The following PVT1 variants were observed in gnomAD, a reference collection of about 807,000 sequenced individuals.
The protein encoded by PVT1 is CXCR4/PVT1 fusion.
intron 2 of PVT1, among the ~76,000 whole-genome samples, chr8:127,859,223 G>A (rs890039391): frequency 4.6e-5 from 7 of 151,926 alleles, no homozygotes; most frequent in Admixed American, 1.3e-4. Context: ...TTTGATTGTC[G>A]GCTTGGCTCT....
At chr8:128,080,449 T>G (rs1814161973) in intron 5 of PVT1, among the ~76,000 whole-genome samples, 1 of 152,234 alleles carries the variant, frequency 6.6e-6, no homozygotes, top group African/African-American at 2.4e-5. Flanking sequence ...TGGTATCTAA[T>G]TGTTGTTTTA....
At chr8:127,811,087 G>A (rs1350191891) in intron 2 of PVT1, among the ~76,000 whole-genome samples, 2 of 152,068 alleles carry the variant, frequency 1.3e-5, no homozygotes, top group South Asian at 2.1e-4. Flanking sequence ...GCAAACCAGC[G>A]GGTCCCTCTT....
At chr8:127,899,523 G>A (rs1003355712) in intron 3 of PVT1, among the ~76,000 whole-genome samples, 2 of 152,138 alleles carry the variant, frequency 1.3e-5, no homozygotes, top group African/African-American at 2.4e-5. Flanking sequence ...CCCCTCACGC[G>A]CTTGTTGAGA....
At chr8:127,983,358 C>T (rs4733811) in intron 3 of PVT1, among the ~76,000 whole-genome samples, 126,612 of 152,132 alleles carry the variant, frequency 0.83, 52,769 homozygotes, top group South Asian at 0.9. Flanking sequence ...ATCCTAACAT[C>T]TGTGATTAAG....
intron 2 of PVT1, among the ~76,000 whole-genome samples, chr8:127,839,655 G>T (rs1455638014): frequency 2.0e-5 from 3 of 151,942 alleles, no homozygotes; most frequent in Non-Finnish European, 4.4e-5. Flanking sequence ...CAGGCAGAGG[G>T]CATACGAAAC....
At chr8:127,911,172 C>G (rs1279171497) in intron 3 of PVT1, among the ~76,000 whole-genome samples, 1 of 152,130 alleles carries the variant, frequency 6.6e-6, no homozygotes, top group Non-Finnish European at 1.5e-5. Context: ...GGTGGGACTC[C>G]CAGAATAGTG....
intron 4 of PVT1, among the ~76,000 whole-genome samples, chr8:127,997,827 C>T (rs1817125244): frequency 6.6e-6 from 1 of 152,206 alleles, no homozygotes; most frequent in Non-Finnish European, 1.5e-5. Flanking sequence ...CATCTGGGAT[C>T]CCACATCACA....
intron 3 of PVT1, among the ~76,000 whole-genome samples, chr8:127,955,879 C>T (rs1816563120): frequency 6.6e-6 from 1 of 152,174 alleles, no homozygotes; most frequent in Admixed American, 6.6e-5. Flanking sequence ...CCACCACACC[C>T]GGCTGTAATA....
At chr8:127,821,678 G>A (rs4733785) in intron 2 of PVT1, among the ~76,000 whole-genome samples, 103,202 of 151,796 alleles carry the variant, frequency 0.68, 36,485 homozygotes, top group African/African-American at 0.87. Context: ...TGGGCATGGT[G>A]GTGGGCGCCT....
intron 4 of PVT1, among the ~76,000 whole-genome samples, chr8:128,031,870 G>A (rs6987459): frequency 1.0e-3 from 157 of 152,100 alleles, no homozygotes; most frequent in African/African-American, 3.6e-3. Flanking sequence ...TTGAACCCGG[G>A]GCTCTGGTTG....
At chr8:127,866,835 C>T (rs1313510823) in intron 2 of PVT1, among the ~76,000 whole-genome samples, 1 of 152,106 alleles carries the variant, frequency 6.6e-6, no homozygotes, top group Non-Finnish European at 1.5e-5. Flanking sequence ...TCCCATCTGC[C>T]GACCCTCCGC....
intron 2 of PVT1, among the ~76,000 whole-genome samples, chr8:127,864,617 G>A (rs534344374): frequency 7.2e-5 from 11 of 151,900 alleles, no homozygotes; most frequent in African/African-American, 2.4e-4. Context: ...GCGCGATCTC[G>A]GCTCACTGCC....
intron 5 of PVT1, among the ~76,000 whole-genome samples, chr8:128,084,446 A>G (rs1814231708): frequency 6.6e-6 from 1 of 152,062 alleles, no homozygotes; most frequent in African/African-American, 2.4e-5. Context: ...CACTCCCTCT[A>G]AAAGAGTTTC....
At chr8:127,845,402 A>G (rs1815020516) in intron 2 of PVT1, among the ~76,000 whole-genome samples, 1 of 152,164 alleles carries the variant, frequency 6.6e-6, no homozygotes, top group Non-Finnish European at 1.5e-5. Context: ...CCCAAGATAC[A>G]GGAATGGCTC....
At chr8:128,057,011 C>T (rs1813770021) in intron 4 of PVT1, among the ~76,000 whole-genome samples, 1 of 152,170 alleles carries the variant, frequency 6.6e-6, no homozygotes, top group Non-Finnish European at 1.5e-5. Context: ...AGTTTAGCTT[C>T]CCGCATCATT....
chr8:127,857,622 AGTGT>A (rs1815175906), intron 2 of PVT1, among the ~76,000 whole-genome samples: 1 of 152,228 alleles, frequency 6.6e-6, no homozygotes, highest in Non-Finnish European at 1.5e-5. Context: ...TGGAAGCTGC[AGTGT>A]GCAGTGATCA....
chr8:127,861,534 C>T (rs566001496), intron 2 of PVT1, among the ~76,000 whole-genome samples: 294 of 150,338 alleles, frequency 2.0e-3, no homozygotes, highest in South Asian at 4.1e-3. Context: ...TGTTGTCTTG[C>T]TTTCAGATGG....
chr8:127,957,582 A>G lies in PVT1; in HGVS notation n.783-31580A>G, dbSNP rs796332168. On this transcript the variant is annotated intron_variant and non_coding_transcript_variant, in intron 3 of 10. Coordinates refer to ENST00000651587, the Ensembl canonical transcript of PVT1. ...ACTCCGTCTCAAAAAAAAAAAAAAA[A>G]AAAAGAAAAGAAAAGAAAAAAAAGT... Among the ~76,000 whole-genome samples the G allele has an allele frequency of 8.3e-3, 1,212 of 146,022 alleles. 14 individuals carry two copies. Among genetic ancestry groups the G allele is most frequent in the African/African-American group, 0.029 (1,111 of 38,590 alleles).
intron 4 of PVT1, among the ~76,000 whole-genome samples, chr8:128,016,696 T>C (rs1284068134): frequency 6.6e-6 from 1 of 152,218 alleles, no homozygotes; most frequent in African/African-American, 2.4e-5. Flanking sequence ...GAGACGAAGA[T>C]GAGTCATGCC....
Sources: gnomAD v4.1 joint callset for allele counts (sites outside exome capture counted in the v4.1 genomes callset) on GRCh38, gnomAD v4.1.1 for gene constraint, MANE v1.5 for transcripts, NCBI Gene and HGNC (gene_info 2026-07-23, HGNC 2026-07-21) for gene names.